Variants in CEP128 observed in about 807,000 individuals in gnomAD.
The protein encoded by CEP128 is centrosomal protein 128kDa.
In CEP128, 132 loss-of-function variants were observed where a neutral mutation model predicts 156.7. The observed-to-expected ratio is 0.84, with a 90% CI of 0.73 to 0.97. CEP128 has a LOEUF of 0.97. Among genes scored for constraint, CEP128 ranks in the 50% least tolerant of loss-of-function variants. CEP128 has a pLI of 0.00. For synonymous variants in CEP128, 469 were observed against 448.9 expected (o/e 1.04, Z -0.57); for missense variants, 1,252 against 1,281.9 (o/e 0.98, Z 0.36).
intron 19 of CEP128, among the ~76,000 whole-genome samples, chr14:80,700,267 TGTAATGA>T (rs2139357036): frequency 6.6e-6 from 1 of 152,206 alleles, no homozygotes; most frequent in East Asian, 1.9e-4. Context: ...ACCCCTACTC[TGTAATGA>T]GTCCCATATC....
chr14:80,685,386 G>A lies in CEP128; in HGVS notation c.2806+57689C>T, dbSNP rs115933116. ...AAAATACCTTGAAATAAATCTAACCGAAGAAGTAAAATATTTCCACAAGGA... is the reference window on the plus strand; with the variant it reads ...AAAATACCTTGAAATAAATCTAACCAAAGAAGTAAAATATTTCCACAAGGA... On this transcript the variant is annotated intron_variant, in intron 19 of 24. Transcript: ENST00000555265. Among the ~76,000 whole-genome samples the A allele has an allele frequency of 3.9e-3, 591 of 151,666 alleles. 3 individuals carry two copies. Among genetic ancestry groups the A allele is most frequent in the African/African-American group, 0.014 (559 of 41,398 alleles).
chr14:80,777,828 A>G lies in CEP128; in HGVS notation c.2376+54T>C, dbSNP rs1020739401. ...TGTTGATATATAAAATATTTTCTAGAGGAAATTAAAATTGAAATTAGAATT... is the reference window on the plus strand; with the variant it reads ...TGTTGATATATAAAATATTTTCTAGGGGAAATTAAAATTGAAATTAGAATT... On this transcript the variant is annotated intron_variant, in intron 16 of 24. Coordinates refer to ENST00000555265, the MANE Select transcript of CEP128 (RefSeq NM_152446.5). 9.9e-6 allele frequency: 13 copies of G among 1,307,560 alleles called. No homozygotes were observed. The South Asian group carries it at 1.7e-4, about 17-fold the overall frequency. 81.0% of individuals were successfully genotyped at this position (1,307,560 alleles called of 1,614,324 possible). A position where few individuals can be genotyped will look rare whatever the true frequency, so the allele number is the denominator to read the frequency against.
At chr14:80,616,824 C>T (rs557079614) in intron 19 of CEP128, among the ~76,000 whole-genome samples, 2 of 151,660 alleles carry the variant, frequency 1.3e-5, no homozygotes, top group African/African-American at 4.9e-5. Flanking sequence ...AATAGCAGAG[C>T]TATAAGGACA....
At chr14:80,695,470 C>T (rs936507999) in intron 19 of CEP128, among the ~76,000 whole-genome samples, 4 of 151,522 alleles carry the variant, frequency 2.6e-5, no homozygotes, top group Admixed American at 2.6e-4. Context: ...AATCCCAGCA[C>T]TTTGGGAGGC....
At chr14:80,766,635 A>C (rs1321878005) in intron 16 of CEP128, among the ~76,000 whole-genome samples, 2 of 152,166 alleles carry the variant, frequency 1.3e-5, no homozygotes, top group East Asian at 3.8e-4. Flanking sequence ...ATGAAGTAAA[A>C]ACAGTTCATC....
chr14:80,712,091 T>A (rs2139416516), intron 19 of CEP128, among the ~76,000 whole-genome samples: 1 of 152,274 alleles, frequency 6.6e-6, no homozygotes, highest in South Asian at 2.1e-4. Context: ...AATAAATTTT[T>A]AATTTGAAAT....
intron 19 of CEP128, among the ~76,000 whole-genome samples, chr14:80,670,259 TA>T (rs1323218397): frequency 2.6e-5 from 4 of 152,138 alleles, no homozygotes; most frequent in Non-Finnish European, 5.9e-5. Context: ...AATCATTATA[TA>T]AAAAAGATAC....
intron 2 of CEP128, chr14:80,955,369 A>T (rs1014416271): frequency 1.4e-4 from 63 of 458,940 alleles, no homozygotes; most frequent in Middle Eastern, 5.9e-4. Context: ...CGGGCTGGAA[A>T]ACAGAGGGGA....
intron 14 of CEP128, 143 bp from the exon 15 acceptor site, chr14:80,785,688 T>G (rs2139811275): frequency 3.1e-6 from 2 of 644,618 alleles, no homozygotes; most frequent in East Asian, 5.8e-5. Flanking sequence ...TTTCCCATTT[T>G]TTAATAAAAA....
chr14:80,724,239 A>T (rs114693965), intron 19 of CEP128, among the ~76,000 whole-genome samples: 2,369 of 152,316 alleles, frequency 0.016, 70 homozygotes, highest in African/African-American at 0.054. Context: ...CTACTTTAAA[A>T]TTTGGAATGC....
At chr14:80,750,424 G>GCTTC (rs1899331352) in intron 18 of CEP128, among the ~76,000 whole-genome samples, 1 of 151,778 alleles carries the variant, frequency 6.6e-6, no homozygotes, top group Non-Finnish European at 1.5e-5. Flanking sequence ...ATCTTCTGAT[G>GCTTC]CTTCCCACAT....
chr14:80,580,165 C>G (rs1270277882), intron 20 of CEP128, among the ~76,000 whole-genome samples: 1 of 152,138 alleles, frequency 6.6e-6, no homozygotes, highest in Non-Finnish European at 1.5e-5. Context: ...AATTTCCTAT[C>G]AAAAGTAGCA....
chr14:80,879,038 A>C (rs1448002970), intron 8 of CEP128, among the ~76,000 whole-genome samples: 3 of 152,154 alleles, frequency 2.0e-5, no homozygotes, highest in African/African-American at 4.8e-5. Flanking sequence ...CACTACCACA[A>C]ATTCCTTCAG....
chr14:80,829,826 G>A (rs1386798556), intron 13 of CEP128, among the ~76,000 whole-genome samples: 3 of 152,132 alleles, frequency 2.0e-5, no homozygotes, highest in African/African-American at 4.8e-5. Flanking sequence ...GTTAGGACAA[G>A]GGGAAAGCCA....
chr14:80,723,043 G>T (rs552994950), intron 19 of CEP128, among the ~76,000 whole-genome samples: 3 of 152,026 alleles, frequency 2.0e-5, no homozygotes, highest in Non-Finnish European at 1.5e-5. Flanking sequence ...AGCCAGGATG[G>T]TCTTAATCTC....
intron 19 of CEP128, among the ~76,000 whole-genome samples, chr14:80,658,875 C>G (rs1895282525): frequency 6.6e-6 from 1 of 152,150 alleles, no homozygotes; most frequent in South Asian, 2.1e-4. Context: ...AGTTAGCTCT[C>G]ACAGCAATGC....
rs762810133 is a variant in CEP128 at position 80,793,043 on chromosome 14, A to G, written c.1277T>C (p.Ile426Thr). Residue 426 changes from isoleucine to threonine, a missense_variant, in exon 14 of 25, where the codon ATC (isoleucine) becomes ACC (threonine). Ile to Thr is a moderately conservative substitution (Grantham distance 89). Coordinates refer to ENST00000555265, the MANE Select transcript of CEP128 (RefSeq NM_152446.5). ...CTCACATGTGTCAAAGTGATTCTGG[A>G]TCTCCTTAAGTCGATCCAACATCTG... Reference protein sequence around the residue: ...QLQMLDRLKEIQNHFDTCEAE... With the variant: ...QLQMLDRLKETQNHFDTCEAE... The G allele has an allele frequency of 1.3e-5, 21 of 1,614,046 alleles. No homozygotes were observed. Among genetic ancestry groups the G allele is most frequent in the Non-Finnish European group, 3.4e-6 (4 of 1,180,034 alleles).
Position 80,637,701 on chromosome 14 carries a change from TATCCTATCAGTAACATCTTTGCAGATGTG to T in CEP128, c.2807-57307_2807-57279del, listed in dbSNP as rs567914231. ...CTTAAACCGTGAAACCTGTGAATGT[TATCCTATCAGTAACATCTTTGCAGATGTG>T]ATTAAATTAAGGTCCTTGAAATGAG... On this transcript the variant is annotated intron_variant, in intron 19 of 24. Coordinates refer to ENST00000555265, the MANE Select transcript of CEP128 (RefSeq NM_152446.5). Among the ~76,000 whole-genome samples, 209 of 152,328 alleles carry T rather than the reference TATCCTATCAGTAACATCTTTGCAGATGTG, an allele frequency of 1.4e-3. 5 individuals are homozygous for T. The South Asian group carries it at 0.042, about 31-fold the overall frequency.
At chr14:80,907,351 G>T (rs1883945299) in intron 4 of CEP128, among the ~76,000 whole-genome samples, 1 of 152,010 alleles carries the variant, frequency 6.6e-6, no homozygotes, top group Non-Finnish European at 1.5e-5. Flanking sequence ...ATCCTGCCTT[G>T]AGTATTCGCC....
Sources: allele counts gnomAD v4.1 joint callset (sites outside exome capture counted in the v4.1 genomes callset), GRCh38; gene constraint gnomAD v4.1.1; transcripts MANE v1.5; gene names NCBI Gene and HGNC (gene_info 2026-07-23, HGNC 2026-07-21).